SCRN3: variants seen among roughly 807,000 people sequenced by gnomAD.
SCRN3 encodes the protein secernin 3, also known as secernin-3.
Under a neutral mutation model 43.1 loss-of-function variants are expected in SCRN3, and 39 were observed. The ratio of observed to expected loss-of-function variants is 0.91; its 90% confidence interval spans 0.70 to 1.18. The LOEUF (loss-of-function observed/expected upper bound fraction) is 1.18. Ranked by LOEUF, SCRN3 falls within the 50% of genes most tolerant of loss-of-function variation. The probability of loss-of-function intolerance (pLI) is 0.00; values close to 1 mark genes in which losing one functional copy is unlikely to be tolerated. For missense variants in SCRN3, 484 were observed against 498.0 expected (o/e 0.97, Z 0.27); for synonymous variants, 147 against 163.1 (o/e 0.90, Z 0.75).
chr2:174,424,393 G>T, intron 6 of SCRN3, 82 bp from the exon 7 acceptor site: 1 of 1,002,714 alleles, frequency 1.0e-6, no homozygotes, highest in Non-Finnish European at 1.4e-6. Flanking sequence ...ACTTCTAATT[G>T]AGAGAATCTT....
intron 6 of SCRN3, among the ~76,000 whole-genome samples, chr2:174,423,563 A>C (rs2105625886): frequency 6.6e-6 from 1 of 151,946 alleles, no homozygotes; most frequent in Non-Finnish European, 1.5e-5. Flanking sequence ...TCTGCCTCCC[A>C]AGTTCAAGAG....
chr2:174,417,825 C>T (rs568511686), intron 5 of SCRN3, among the ~76,000 whole-genome samples: 2 of 152,304 alleles, frequency 1.3e-5, no homozygotes, highest in South Asian at 4.1e-4. Context: ...ATTTTTCTCT[C>T]AGCACCTAAT....
At position 174,404,132 on chromosome 2, in the gene SCRN3, T is replaced by G. The variant is rs141186365; in HGVS notation, c.571T>G (p.Ser191Ala). 2.5e-5 allele frequency: 40 copies of G among 1,613,694 alleles called. No individual in the cohort carries two copies. In the East Asian group the frequency reaches 8.7e-4, roughly 35 times the overall value. ...EGVRNISNQL[S>A]ITTKIAREHP... ...AGTTCGTAATATTTCTAATCAACTT[T>G]CCATAACAACCAAGATTGCCCGGGA... The change falls in exon 5 of 8, where the codon TCC becomes GCC. Residue 191 changes from serine (S) to alanine (A), a missense_variant. Coordinates refer to ENST00000272732, the MANE Select transcript of SCRN3 (RefSeq NM_024583.5).
chr2:174,414,570 G>T (rs1348608337), intron 5 of SCRN3, among the ~76,000 whole-genome samples: 1 of 151,990 alleles, frequency 6.6e-6, no homozygotes, highest in African/African-American at 2.4e-5. Context: ...AAACAGATAT[G>T]TAGTATCCTA....
intron 5 of SCRN3, among the ~76,000 whole-genome samples, chr2:174,406,197 G>A (rs866385675): frequency 0.069 from 9,300 of 134,610 alleles, 682 homozygotes; most frequent in Middle Eastern, 0.18. Flanking sequence ...TGGATTCCTA[G>A]GTATTTTATT....
rs557595956 is a variant in SCRN3 at position 174,400,470 on chromosome 2, AT to A, written c.341+376del. ...CCTGGCTAATTTTTAATTAAAAAAA[AT>A]TTTTTTTTCAGAGACTAGGGTCTTG... is the stretch of plus-strand genomic sequence containing the variant. On this transcript the variant is annotated intron_variant, in intron 3 of 7. Transcript: ENST00000272732. 1.4e-4 allele frequency among the ~76,000 whole-genome samples: 21 copies of A among 151,256 alleles called. No homozygotes were observed. In the East Asian group the frequency reaches 3.7e-3, roughly 27 times the overall value.
In SCRN3 at chr2:174,421,142, G is replaced by T. The variant is rs563973125; in HGVS notation, c.755-1743G>T. 7.2e-5 allele frequency among the ~76,000 whole-genome samples: 11 copies of T among 152,202 alleles called. No individual in the cohort carries two copies. The East Asian group carries it at 2.1e-3, about 29-fold the overall frequency. On this transcript the variant is annotated intron_variant, in intron 5 of 7. Coordinates refer to ENST00000272732, the MANE Select transcript of SCRN3 (RefSeq NM_024583.5). ...GCTAACTTTTCAACAGAAGGGAGGGGATTCTAAAGATTGTAAAATGACAAC... is the reference window on the plus strand; with the variant it reads ...GCTAACTTTTCAACAGAAGGGAGGGTATTCTAAAGATTGTAAAATGACAAC...
intron 5 of SCRN3, among the ~76,000 whole-genome samples, chr2:174,416,154 C>T (rs755037625): frequency 7.9e-5 from 12 of 152,160 alleles, no homozygotes; most frequent in Non-Finnish European, 1.3e-4. Flanking sequence ...ATGCCCTGCA[C>T]AAGGGGGTAA....
intron 5 of SCRN3, among the ~76,000 whole-genome samples, chr2:174,417,497 G>A (rs778111629): frequency 1.3e-5 from 2 of 151,926 alleles, no homozygotes; most frequent in South Asian, 2.1e-4. Context: ...GGGTTTAAGC[G>A]ATTCTCCTGC....
chr2:174,422,026 G>C (rs1006126531), intron 5 of SCRN3, among the ~76,000 whole-genome samples: 1 of 151,858 alleles, frequency 6.6e-6, no homozygotes, highest in South Asian at 2.1e-4. Context: ...CAAGAATGGA[G>C]AAAAAGAGAC....
intron 1 of SCRN3, chr2:174,397,083 G>A: frequency 1.0e-5 from 10 of 983,136 alleles, no homozygotes; most frequent in Non-Finnish European, 1.1e-5. Context: ...CATAAGAGTT[G>A]AAATACAGAA....
intron 7 of SCRN3, among the ~76,000 whole-genome samples, chr2:174,427,355 AG>A (rs1164147271): frequency 6.6e-6 from 1 of 152,212 alleles, no homozygotes; most frequent in Non-Finnish European, 1.5e-5. Context: ...TAAATGTAAA[AG>A]ATCAAAATTG....
chr2:174,415,974 G>A (rs966336687), intron 5 of SCRN3, among the ~76,000 whole-genome samples: 1 of 152,196 alleles, frequency 6.6e-6, no homozygotes, highest in African/African-American at 2.4e-5. Context: ...CGGTCAGAAA[G>A]CAACTACTCT....
intron 5 of SCRN3, among the ~76,000 whole-genome samples, chr2:174,406,794 TC>T (rs1176341415): frequency 7.5e-6 from 1 of 132,914 alleles, no homozygotes; most frequent in Admixed American, 7.6e-5. Context: ...CAGCCTTGCA[TC>T]CCAGGGATGA....
chr2:174,418,564 C>CT (rs1414457672), intron 5 of SCRN3, among the ~76,000 whole-genome samples: 6 of 152,332 alleles, frequency 3.9e-5, no homozygotes, highest in Admixed American at 3.3e-4. Context: ...TAGTGGATTA[C>CT]TTATGGCTAT....
intron 5 of SCRN3, chr2:174,410,251 C>G (rs1432341794): frequency 2.0e-5 from 3 of 150,462 alleles, no homozygotes; most frequent in African/African-American, 7.4e-5. Flanking sequence ...CTTTCTTTGA[C>G]TCGGAAAGGG....
intron 7 of SCRN3, among the ~76,000 whole-genome samples, chr2:174,425,884 C>A (rs1334602508): frequency 6.6e-6 from 1 of 151,984 alleles, no homozygotes; most frequent in South Asian, 2.1e-4. Flanking sequence ...ATTTACATTT[C>A]TTGATTACTA....
intron 4 of SCRN3, among the ~76,000 whole-genome samples, chr2:174,403,161 G>A (rs935971994): frequency 2.6e-5 from 4 of 151,584 alleles, no homozygotes; most frequent in Admixed American, 6.6e-5. Flanking sequence ...ATACAGATTT[G>A]AAATAAGCAT....
rs747811165 is a variant in SCRN3 at position 174,404,331 on chromosome 2, AAAT to A, written c.754+21_754+23del. ...AAGCACAAAGGTAATTTTATCATAT[AAAT>A]AATATTAGGATGACAAACTACATTT... On this transcript the variant is annotated intron_variant, in intron 5 of 7. Transcript: ENST00000272732. The A allele has an allele frequency of 1.3e-6, 2 of 1,556,994 alleles. No homozygotes were observed. Among genetic ancestry groups the A allele is most frequent in the Non-Finnish European group, 8.8e-7 (1 of 1,131,614 alleles).
Sources: allele counts gnomAD v4.1 joint callset (sites outside exome capture counted in the v4.1 genomes callset), GRCh38; gene constraint gnomAD v4.1.1; transcripts MANE v1.5; gene names NCBI Gene and HGNC (gene_info 2026-07-23, HGNC 2026-07-21).